NTNG1: variants seen among roughly 807,000 people sequenced by gnomAD.
The protein encoded by NTNG1 is netrin G1.
A neutral mutation model predicts 54.0 loss-of-function variants in NTNG1; 16 were observed. That is an observed-to-expected ratio of 0.30 (90% confidence interval 0.20 to 0.45). NTNG1 has a LOEUF of 0.45. Ranked by LOEUF, NTNG1 falls within the 20% of genes least tolerant of loss-of-function variation. The pLI, the probability that NTNG1 is intolerant of heterozygous loss-of-function variation, is 1.00. For missense variants in NTNG1, 530 were observed against 678.7 expected, an observed-to-expected ratio of 0.78 and a Z score of 2.43; for synonymous variants, 255 against 263.1, an observed-to-expected ratio of 0.97 and a Z score of 0.30.
chr1:107,403,252 A>G (rs763094751), intron 4 of NTNG1, among the ~76,000 whole-genome samples: 7 of 152,194 alleles, frequency 4.6e-5, no homozygotes, highest in Non-Finnish European at 8.8e-5. Flanking sequence ...GAATAATTGC[A>G]AGTACCTGCA....
chr1:107,478,307 C>T (rs925660151), intron 7 of NTNG1, among the ~76,000 whole-genome samples: 2 of 152,074 alleles, frequency 1.3e-5, no homozygotes. Flanking sequence ...TTTTATTTTT[C>T]TCTATTGATC....
chr1:107,279,761 T>G (rs1335535460), intron 2 of NTNG1, among the ~76,000 whole-genome samples: 1 of 152,196 alleles, frequency 6.6e-6, no homozygotes, highest in African/African-American at 2.4e-5. Context: ...CTTGGCATTT[T>G]TAAAGCATTA....
intron 2 of NTNG1, among the ~76,000 whole-genome samples, chr1:107,234,755 G>A (rs746402101): frequency 1.1e-4 from 16 of 152,098 alleles, no homozygotes; most frequent in Non-Finnish European, 2.2e-4. Flanking sequence ...ATTGATAGTC[G>A]GGAATCTTTT....
At chr1:107,416,300 A>G (rs1674196521) in intron 5 of NTNG1, among the ~76,000 whole-genome samples, 1 of 152,138 alleles carries the variant, frequency 6.6e-6, no homozygotes, top group Non-Finnish European at 1.5e-5. Context: ...ATTCTACATA[A>G]TGAAAATTAT....
intron 4 of NTNG1, among the ~76,000 whole-genome samples, chr1:107,396,676 GC>G (rs1434737330): frequency 6.6e-6 from 1 of 152,122 alleles, no homozygotes; most frequent in Non-Finnish European, 1.5e-5. Flanking sequence ...CCTGTGGCTG[GC>G]TACCTAAGAA....
chr1:107,284,043 A>G (rs1389578131), intron 2 of NTNG1, among the ~76,000 whole-genome samples: 1 of 152,060 alleles, frequency 6.6e-6, no homozygotes, highest in African/African-American at 2.4e-5. Context: ...TGGAGCATTC[A>G]TTTTATTTTC....
chr1:107,153,930 C>G (rs972559233), intron 2 of NTNG1, among the ~76,000 whole-genome samples: 2 of 152,176 alleles, frequency 1.3e-5, no homozygotes, highest in Non-Finnish European at 2.9e-5. Flanking sequence ...CTAAAACCAC[C>G]TCATGTCATT....
intron 3 of NTNG1, among the ~76,000 whole-genome samples, chr1:107,331,594 A>T (rs190676619): frequency 2.0e-5 from 3 of 152,226 alleles, no homozygotes; most frequent in African/African-American, 7.2e-5. Flanking sequence ...ATTTCTTCAT[A>T]AACTTTTATT....
intron 3 of NTNG1, among the ~76,000 whole-genome samples, chr1:107,385,432 A>G (rs1216783506): frequency 6.6e-6 from 1 of 152,080 alleles, no homozygotes; most frequent in African/African-American, 2.4e-5. Context: ...ATTCCAGGAA[A>G]TAAATGAGAA....
intron 2 of NTNG1, among the ~76,000 whole-genome samples, chr1:107,186,811 A>G (rs1047881127): frequency 2.0e-5 from 3 of 152,168 alleles, no homozygotes; most frequent in South Asian, 4.1e-4. Context: ...AAGTTAACAT[A>G]TTTTTGAGTT....
chr1:107,191,189 ATTTT>A (rs1198443664), intron 2 of NTNG1, among the ~76,000 whole-genome samples: 1 of 151,934 alleles, frequency 6.6e-6, no homozygotes, highest in African/African-American at 2.4e-5. Flanking sequence ...GATGATGAGC[ATTTT>A]TTCATGTGTC....
chr1:107,281,216 A>G (rs527786246), intron 2 of NTNG1, among the ~76,000 whole-genome samples: 3 of 152,042 alleles, frequency 2.0e-5, no homozygotes, highest in African/African-American at 7.2e-5. Flanking sequence ...TCCTCTTTGT[A>G]CTTCCACACA....
At chr1:107,271,514 A>T (rs950966593) in intron 2 of NTNG1, among the ~76,000 whole-genome samples, 2 of 152,212 alleles carry the variant, frequency 1.3e-5, no homozygotes, top group African/African-American at 2.4e-5. Context: ...AAACACATTA[A>T]TAACTAGCAG....
chr1:107,178,248 T>G (rs1022167735), intron 2 of NTNG1, among the ~76,000 whole-genome samples: 1 of 152,202 alleles, frequency 6.6e-6, no homozygotes, highest in African/African-American at 2.4e-5. Context: ...GTCATGATCC[T>G]TGCATCACAT....
chr1:107,277,207 T>C (rs1664537974), intron 2 of NTNG1, among the ~76,000 whole-genome samples: 1 of 152,216 alleles, frequency 6.6e-6, no homozygotes, highest in South Asian at 2.1e-4. Flanking sequence ...CTGAACTCAG[T>C]TGTTCGCTGG....
intron 2 of NTNG1, among the ~76,000 whole-genome samples, chr1:107,290,487 G>C (rs1665510789): frequency 6.6e-6 from 1 of 151,906 alleles, no homozygotes; most frequent in African/African-American, 2.4e-5. Context: ...TTTTAAATCT[G>C]CTTCATTTGC....
chr1:107,297,714 A>C (rs1156476316), intron 2 of NTNG1, among the ~76,000 whole-genome samples: 1 of 152,154 alleles, frequency 6.6e-6, no homozygotes, highest in Admixed American at 6.6e-5. Context: ...TTCAGGGATG[A>C]AAATATCAAC....
At chr1:107,439,754 T>C (rs1176073104) in intron 7 of NTNG1, among the ~76,000 whole-genome samples, 3 of 152,236 alleles carry the variant, frequency 2.0e-5, no homozygotes, top group African/African-American at 7.2e-5. Flanking sequence ...TCTCTTGGGC[T>C]GTCACCAAGG....
At chr1:107,465,106 G>A (rs374673291) in intron 7 of NTNG1, among the ~76,000 whole-genome samples, 7 of 152,240 alleles carry the variant, frequency 4.6e-5, no homozygotes, top group Admixed American at 1.3e-4. Context: ...ACTTGGAGGC[G>A]TTAATGAAAA....
Sources: gnomAD v4.1 joint callset for allele counts (sites outside exome capture counted in the v4.1 genomes callset) on GRCh38, gnomAD v4.1.1 for gene constraint, MANE v1.5 for transcripts, NCBI Gene and HGNC (gene_info 2026-07-23, HGNC 2026-07-21) for gene names.